Variants in LGR5 observed in about 807,000 individuals in gnomAD.
LGR5 encodes leucine-rich repeat-containing G protein-coupled receptor 5.
Under a neutral mutation model 76.7 loss-of-function variants are expected in LGR5, and 54 were observed. The ratio of observed to expected loss-of-function variants is 0.70; its 90% confidence interval spans 0.57 to 0.88. The LOEUF (loss-of-function observed/expected upper bound fraction) is 0.88. Ranked by LOEUF, LGR5 falls within the 40% of genes least tolerant of loss-of-function variation. The probability of loss-of-function intolerance (pLI) is 0.00; values close to 1 mark genes in which losing one functional copy is unlikely to be tolerated. For synonymous variants in LGR5, 406 were observed against 421.9 expected (o/e 0.96, Z 0.46); for missense variants, 1,078 against 1,073.3 (o/e 1.00, Z -0.06).
At position 71,586,172 on chromosome 12, in the gene LGR5, T is replaced by C. The variant is rs1276166793; in HGVS notation, c.*1438T>C. Reference sequence around the variant, plus strand: ...ACAGTGGCATATTCTTTGATTTATATTGTGTTTCTCTGCCCATTTTCTTTA... The same window carrying C: ...ACAGTGGCATATTCTTTGATTTATACTGTGTTTCTCTGCCCATTTTCTTTA... On this transcript the variant is annotated 3_prime_UTR_variant, in exon 18 of 18. Transcript: ENST00000266674. The C allele has an allele frequency of 2.0e-5, 3 of 152,178 alleles. No individual in the cohort carries two copies. Among genetic ancestry groups the C allele is most frequent in the Non-Finnish European group, 2.9e-5 (2 of 68,032 alleles). 9.4% of individuals were successfully genotyped at this position (152,178 alleles called of 1,614,324 possible). A position where few individuals can be genotyped will look rare whatever the true frequency, so the allele number is the denominator to read the frequency against.
At position 71,580,438 on chromosome 12, in the gene LGR5, G is replaced by A; in HGVS notation, c.1552+15G>A. 1.2e-6 allele frequency: 2 copies of A among 1,607,686 alleles called. No homozygotes were observed. The highest frequency in any genetic ancestry group is 1.7e-6 in the Non-Finnish European group (2 of 1,177,118). ...TCAGGCTCAAGGTAGGACTTGCTAT[G>A]CCATGGTAATGAAATTGTGTTGTGT... On this transcript the variant is annotated intron_variant, in intron 16 of 17. Coordinates refer to ENST00000266674, the MANE Select transcript of LGR5 (RefSeq NM_003667.4).
chr12:71,470,974 T>C (rs1309244742), intron 1 of LGR5, among the ~76,000 whole-genome samples: 1 of 152,202 alleles, frequency 6.6e-6, no homozygotes, highest in Non-Finnish European at 1.5e-5. Flanking sequence ...ACATCTTTAT[T>C]AGAGCACTTA....
chr12:71,512,813 A>G (rs909158257), intron 2 of LGR5, among the ~76,000 whole-genome samples: 12 of 152,240 alleles, frequency 7.9e-5, no homozygotes, highest in African/African-American at 1.2e-4. Context: ...AGGAGGCAGC[A>G]GGACATCTAA....
intron 1 of LGR5, among the ~76,000 whole-genome samples, chr12:71,497,837 T>C (rs1201291559): frequency 6.6e-6 from 1 of 152,048 alleles, no homozygotes; most frequent in African/African-American, 2.4e-5. Context: ...AGAGCATCAA[T>C]TTTTTTTGTT....
chr12:71,484,370 C>T (rs12823594), intron 1 of LGR5, among the ~76,000 whole-genome samples: 5,004 of 152,220 alleles, frequency 0.033, 99 homozygotes, highest in Non-Finnish European at 0.049. Flanking sequence ...TTATGCTAAA[C>T]GATCAAACAG....
upstream of LGR5, among the ~76,000 whole-genome samples, chr12:71,439,151 A>G (rs984703348): frequency 6.6e-6 from 1 of 152,102 alleles, no homozygotes; most frequent in African/African-American, 2.4e-5. Flanking sequence ...TCACCCCGCA[A>G]GAGATAGGAA....
At chr12:71,527,242 C>G (rs1368797099) in intron 3 of LGR5, among the ~76,000 whole-genome samples, 1 of 152,186 alleles carries the variant, frequency 6.6e-6, no homozygotes, top group African/African-American at 2.4e-5. Flanking sequence ...AATGAATGGA[C>G]TCAAATTGTC....
chr12:71,511,420 G>C (rs1180816340), intron 2 of LGR5, among the ~76,000 whole-genome samples: 2 of 152,136 alleles, frequency 1.3e-5, no homozygotes, highest in African/African-American at 4.8e-5. Flanking sequence ...TCAGAAAACT[G>C]CCTTTAACAA....
chr12:71,543,728 C>T (rs528683846), intron 4 of LGR5, among the ~76,000 whole-genome samples: 1 of 152,216 alleles, frequency 6.6e-6, no homozygotes, highest in African/African-American at 2.4e-5. Flanking sequence ...GGCAAAAGGA[C>T]CAGCTCAGAG....
intron 17 of LGR5, among the ~76,000 whole-genome samples, chr12:71,582,965 AAAGG>A (rs779173987): frequency 1.7e-4 from 25 of 145,792 alleles, no homozygotes; most frequent in Non-Finnish European, 2.9e-4. Context: ...AGGAAGGAAG[AAAGG>A]AAGGAAGGAA....
chr12:71,543,788 T>A (rs910104119), intron 4 of LGR5, among the ~76,000 whole-genome samples: 3 of 151,898 alleles, frequency 2.0e-5, no homozygotes, highest in African/African-American at 7.3e-5. Context: ...AACTAGACAG[T>A]GGAAATGGAA....
At chr12:71,570,048 T>G (rs1217960525) in intron 11 of LGR5, among the ~76,000 whole-genome samples, 1 of 151,998 alleles carries the variant, frequency 6.6e-6, no homozygotes, top group African/African-American at 2.4e-5. Context: ...CTCAGCAAAC[T>G]AATGCAGGAA....
rs1240320038 is a variant in LGR5, at chr12:71,584,224, C to T, written c.2214C>T (p.Leu738=). 1 of 1,614,050 alleles carries T rather than the reference C, an allele frequency of 6.2e-7. No individual in the cohort carries two copies. The highest frequency in any genetic ancestry group is 8.5e-7 in the Non-Finnish European group (1 of 1,180,036). Residue 738 remains leucine (L), a synonymous_variant, in exon 18 of 18, where the codon CTC becomes CTT. Coordinates refer to ENST00000266674, the MANE Select transcript of LGR5 (RefSeq NM_003667.4). ...ALILLNSLCF[L]MMTIAYTKLY... is the part of the protein sequence containing the mutation. ...TCTTGCTCAATTCCCTTTGCTTCCT[C>T]ATGATGACCATTGCCTACACCAAGC...
At chr12:71,469,494 A>G (rs928438273) in intron 1 of LGR5, among the ~76,000 whole-genome samples, 5 of 152,252 alleles carry the variant, frequency 3.3e-5, no homozygotes, top group Admixed American at 2.6e-4. Flanking sequence ...AGTGCGGTTC[A>G]GGAGCAGCAC....
intron 4 of LGR5, among the ~76,000 whole-genome samples, chr12:71,544,037 C>A (rs1398255224): frequency 6.6e-6 from 1 of 152,194 alleles, no homozygotes; most frequent in African/African-American, 2.4e-5. Flanking sequence ...CAGTGGTGAT[C>A]TCTGAGCTCA....
At chr12:71,447,180 A>G (rs992752045) in intron 1 of LGR5, among the ~76,000 whole-genome samples, 2 of 152,204 alleles carry the variant, frequency 1.3e-5, no homozygotes, top group Non-Finnish European at 2.9e-5. Flanking sequence ...CACAATAGAA[A>G]ATTGTTTCAA....
intron 2 of LGR5, among the ~76,000 whole-genome samples, chr12:71,519,894 G>A (rs533043668): frequency 1.3e-5 from 2 of 151,358 alleles, no homozygotes; most frequent in South Asian, 4.2e-4. Context: ...CACAGAGCAG[G>A]CCCTCAATAA....
At chr12:71,473,705 A>G (rs899001111) in intron 1 of LGR5, among the ~76,000 whole-genome samples, 14 of 151,950 alleles carry the variant, frequency 9.2e-5, no homozygotes, top group Non-Finnish European at 1.8e-4. Context: ...AATTTAAGTC[A>G]TCCTTAATTT....
chr12:71,524,256 T>C (rs555742075), intron 2 of LGR5, 150 bp from the exon 3 acceptor site: 2 of 537,626 alleles, frequency 3.7e-6, no homozygotes, highest in Non-Finnish European at 6.6e-6. Context: ...TTTATAGATA[T>C]TTTTTGCAAA....
Sources: allele counts gnomAD v4.1 joint callset (sites outside exome capture counted in the v4.1 genomes callset), GRCh38; gene constraint gnomAD v4.1.1; transcripts MANE v1.5; gene names NCBI Gene and HGNC (gene_info 2026-07-23, HGNC 2026-07-21).